ZNF892: variants seen among roughly 807,000 people sequenced by gnomAD.
ZNF892 encodes zinc finger protein 892.
At chr2:95,224,944 T>G in the ZNF892 span, among the ~76,000 whole-genome samples, 1 of 152,204 alleles carries the variant, frequency 6.6e-6, no homozygotes, top group African/African-American at 2.4e-5. Context: ...CCTTTGGCCA[T>G]GGAATGATGC....
the ZNF892 span, among the ~76,000 whole-genome samples, chr2:95,218,590 C>T: frequency 6.6e-6 from 1 of 152,186 alleles, no homozygotes. Context: ...CCAAAGCTGC[C>T]TTCACATTTT....
chr2:95,251,783 A>C, the ZNF892 span, among the ~76,000 whole-genome samples: 1 of 152,248 alleles, frequency 6.6e-6, no homozygotes. Context: ...GACATGAAAC[A>C]AGATGAAAGG....
At chr2:95,248,373 AAACT>A in the ZNF892 span, among the ~76,000 whole-genome samples, 1 of 152,156 alleles carries the variant, frequency 6.6e-6, no homozygotes, top group Non-Finnish European at 1.5e-5. Flanking sequence ...AAGGGTTGAA[AAACT>A]AACTATTGAG....
chr2:95,211,738 A>T, the ZNF892 span: 2 of 398,474 alleles, frequency 5.0e-6, no homozygotes, highest in Non-Finnish European at 8.9e-6. Flanking sequence ...TGGCTCCCCC[A>T]ATGCCTGTGA....
the ZNF892 span, among the ~76,000 whole-genome samples, chr2:95,209,267 A>T: frequency 6.6e-6 from 1 of 152,138 alleles, no homozygotes; most frequent in Non-Finnish European, 1.5e-5. Context: ...AATAAAAAAA[A>T]AGTCTTCAAA....
chr2:95,253,584 T>C, the ZNF892 span, among the ~76,000 whole-genome samples: 2 of 152,216 alleles, frequency 1.3e-5, no homozygotes, highest in Non-Finnish European at 2.9e-5. Context: ...TTTGGTTCCA[T>C]ATGCACTTTA....
the ZNF892 span, chr2:95,215,440 GA>G: frequency 2.3e-6 from 1 of 442,034 alleles, no homozygotes. Flanking sequence ...ACTCACACTG[GA>G]GAAAAGCCCT....
chr2:95,234,886 A>G, the ZNF892 span, among the ~76,000 whole-genome samples: 28 of 152,232 alleles, frequency 1.8e-4, no homozygotes, highest in Admixed American at 5.9e-4. Flanking sequence ...AGGGAAACAC[A>G]TGAATCTGGT....
chr2:95,221,265 A>G, the ZNF892 span, among the ~76,000 whole-genome samples: 1 of 152,238 alleles, frequency 6.6e-6, no homozygotes, highest in South Asian at 2.1e-4. Context: ...GGTGTAGCCC[A>G]ATAAAAACAA....
chr2:95,244,828 TAACA>T, the ZNF892 span, among the ~76,000 whole-genome samples: 24 of 152,252 alleles, frequency 1.6e-4, no homozygotes, highest in African/African-American at 5.1e-4. Flanking sequence ...ACTGAAATAA[TAACA>T]AACAGTCTCT....
At chr2:95,254,211 G>T in the ZNF892 span, among the ~76,000 whole-genome samples, 1 of 152,220 alleles carries the variant, frequency 6.6e-6, no homozygotes, top group Admixed American at 6.5e-5. Flanking sequence ...GATATTGGCT[G>T]TGGTTTTGTC....
chr2:95,208,913 C>A, the ZNF892 span, among the ~76,000 whole-genome samples: 1 of 152,184 alleles, frequency 6.6e-6, no homozygotes. Context: ...TTCTTCCCAG[C>A]GTTGCTTTCT....
the ZNF892 span, among the ~76,000 whole-genome samples, chr2:95,262,404 C>G: frequency 6.6e-6 from 1 of 152,164 alleles, no homozygotes. Context: ...AGTGCCCGGC[C>G]GAAAGTTCAT....
the ZNF892 span, chr2:95,211,702 A>G: frequency 2.5e-6 from 1 of 398,580 alleles, no homozygotes. Flanking sequence ...TGAGAAGCCT[A>G]GGAATCTGGT....
At chr2:95,243,538 C>T in the ZNF892 span, among the ~76,000 whole-genome samples, 8 of 151,530 alleles carry the variant, frequency 5.3e-5, no homozygotes, top group East Asian at 3.9e-4. Context: ...TCTGCCCGGC[C>T]GCCCCGTCTG....
At chr2:95,233,339 A>G in the ZNF892 span, among the ~76,000 whole-genome samples, 1 of 151,496 alleles carries the variant, frequency 6.6e-6, no homozygotes, top group East Asian at 2.0e-4. Context: ...GGCTGGGACT[A>G]CAGGCACGTG....
At chr2:95,236,827 ATTAT>A in the ZNF892 span, among the ~76,000 whole-genome samples, 1 of 152,218 alleles carries the variant, frequency 6.6e-6, no homozygotes, top group African/African-American at 2.4e-5. Flanking sequence ...AGAAAATTTT[ATTAT>A]TTCTGTGGAA....
the ZNF892 span, among the ~76,000 whole-genome samples, chr2:95,215,828 G>A: frequency 6.6e-6 from 1 of 152,216 alleles, no homozygotes; most frequent in African/African-American, 2.4e-5. Context: ...AAAATTATTT[G>A]TAACACCCTA....
At chr2:95,219,423 A>G in the ZNF892 span, among the ~76,000 whole-genome samples, 1 of 151,630 alleles carries the variant, frequency 6.6e-6, no homozygotes, top group Non-Finnish European at 1.5e-5. Flanking sequence ...GTTCCATTTG[A>G]TTCTTTGTTC....
Sources: gnomAD v4.1 joint callset for allele counts (sites outside exome capture counted in the v4.1 genomes callset) on GRCh38, gnomAD v4.1.1 for gene constraint, MANE v1.5 for transcripts, NCBI Gene and HGNC (gene_info 2026-07-23, HGNC 2026-07-21) for gene names.